Variants in USP15 observed in about 807,000 individuals in gnomAD.
USP15 encodes the protein ubiquitin specific peptidase 15, also known as ubiquitin carboxyl-terminal hydrolase 15.
USP15 carries 18 observed loss-of-function variants against 127.1 expected under a neutral mutation model. That is an observed-to-expected ratio of 0.14 (90% CI 0.10 to 0.21). The LOEUF (loss-of-function observed/expected upper bound fraction) is 0.21. Ranked by LOEUF, USP15 falls within the 10% of genes least tolerant of loss-of-function variation. The pLI, the probability that USP15 is intolerant of heterozygous loss-of-function variation, is 1.00. For synonymous variants in USP15, 364 were observed against 393.7 expected (o/e 0.92, Z 0.89); for missense variants, 805 against 1,159.9 (o/e 0.69, Z 4.44).
intron 9 of USP15, among the ~76,000 whole-genome samples, chr12:62,383,171 A>C (rs563658676): frequency 6.6e-6 from 1 of 152,020 alleles, no homozygotes; most frequent in East Asian, 1.9e-4. Flanking sequence ...AGTTATGTTC[A>C]ATGAAGCTGC....
intron 21 of USP15, among the ~76,000 whole-genome samples, chr12:62,401,524 T>C (rs1200730077): frequency 1.3e-5 from 2 of 151,848 alleles, no homozygotes; most frequent in Non-Finnish European, 2.9e-5. Context: ...CAACATGGAG[T>C]TTCTAATAAA....
At chr12:62,371,776 T>G (rs1482418271) in intron 8 of USP15, among the ~76,000 whole-genome samples, 1 of 152,170 alleles carries the variant, frequency 6.6e-6, no homozygotes, top group Non-Finnish European at 1.5e-5. Context: ...CATATAGATT[T>G]AGAGGAAAGT....
At chr12:62,261,997 G>A (rs758997716) in intron 1 of USP15, among the ~76,000 whole-genome samples, 1 of 152,154 alleles carries the variant, frequency 6.6e-6, no homozygotes, top group African/African-American at 2.4e-5. Flanking sequence ...CCAGCACTTT[G>A]GGAGGCCGAG....
intron 1 of USP15, among the ~76,000 whole-genome samples, chr12:62,285,830 G>C (rs2063771126): frequency 1.3e-5 from 2 of 152,002 alleles, no homozygotes; most frequent in African/African-American, 4.8e-5. Context: ...TCCAGTGATA[G>C]TTCTATTTTT....
At chr12:62,338,211 T>C (rs528884698) in intron 6 of USP15, among the ~76,000 whole-genome samples, 2 of 152,254 alleles carry the variant, frequency 1.3e-5, no homozygotes, top group Non-Finnish European at 2.9e-5. Flanking sequence ...TGGTGTGATT[T>C]GCATTTGTCT....
At position 62,412,560 on chromosome 12, in the gene USP15, T is replaced by G. The variant is rs2068063900; in HGVS notation, c.*8185T>G. The stretch of plus-strand genomic sequence containing the variant: ...TTATGGAATATTCTAAATCCTTTGT[T>G]GTCTTTTCAACAATGTTCACAGCAT... On this transcript the variant is annotated 3_prime_UTR_variant, in exon 22 of 22. Coordinates refer to ENST00000280377, the MANE Select transcript of USP15 (RefSeq NM_001252078.2). The G allele has an allele frequency of 6.1e-6, 1 of 164,140 alleles. No individual in the cohort carries two copies. The highest frequency in any genetic ancestry group is 2.4e-5 in the African/African-American group (1 of 41,710). The allele number at this position is 164,140 out of a possible 1,614,324, so 10.2% of individuals were successfully genotyped here. A position where few individuals can be genotyped will look rare whatever the true frequency, so the allele number is the denominator to read the frequency against.
intron 20 of USP15, among the ~76,000 whole-genome samples, 199 bp downstream of exon 20, chr12:62,396,597 A>C (rs1246587312): frequency 1.3e-5 from 2 of 151,084 alleles, no homozygotes; most frequent in African/African-American, 2.4e-5. Context: ...AGTTCATCAT[A>C]CTCCTCAGTT....
chr12:62,392,499 A>C (rs2067355370), intron 18 of USP15, 112 bp downstream of exon 18: 4 of 739,246 alleles, frequency 5.4e-6, no homozygotes, highest in Non-Finnish European at 8.5e-6. Context: ...TGTTTTAAAT[A>C]GTAAAGGATT....
In USP15 at chr12:62,262,643, A is replaced by T. The variant is rs553811364; in HGVS notation, c.89+2140A>T. 2.2e-4 allele frequency among the ~76,000 whole-genome samples: 33 copies of T among 152,244 alleles called. 1 individual carries two copies. The highest frequency in any genetic ancestry group is 7.7e-4 in the African/African-American group (32 of 41,538). ...TTTTGCTTTTTTACAAAATTAATGT[A>T]AATTGTTTTATATATGTGCGTGTGT... On this transcript the variant is annotated intron_variant, in intron 1 of 21. Coordinates refer to ENST00000280377, the MANE Select transcript of USP15 (RefSeq NM_001252078.2).
Position 62,326,706 on chromosome 12 carries a change from C to T in USP15, c.683+773C>T, listed in dbSNP as rs555623136. ...TTAAGTTTTTGGAGCTTTGGAATTTCACATGTTCTGATAAGGGATTGTGAA... is the reference window on the plus strand; with the variant it reads ...TTAAGTTTTTGGAGCTTTGGAATTTTACATGTTCTGATAAGGGATTGTGAA... On this transcript the variant is annotated intron_variant, in intron 6 of 21. Transcript: ENST00000280377. Among the ~76,000 whole-genome samples, 9 of 152,268 alleles carry T rather than the reference C, an allele frequency of 5.9e-5. No homozygotes were observed. In the East Asian group the frequency reaches 1.5e-3, roughly 26 times the overall value.
intron 1 of USP15, among the ~76,000 whole-genome samples, chr12:62,280,249 T>C (rs189682810): frequency 6.6e-6 from 1 of 150,978 alleles, no homozygotes; most frequent in Non-Finnish European, 1.5e-5. Flanking sequence ...ATTTCCACTT[T>C]GTTTTTCTTC....
At chr12:62,337,346 T>G (rs2065500043) in intron 6 of USP15, among the ~76,000 whole-genome samples, 1 of 152,134 alleles carries the variant, frequency 6.6e-6, no homozygotes, top group Non-Finnish European at 1.5e-5. Flanking sequence ...GTTTATTGGA[T>G]TTACAGTTCC....
intron 20 of USP15, among the ~76,000 whole-genome samples, chr12:62,400,016 T>C (rs2067627790): frequency 6.6e-6 from 1 of 152,174 alleles, no homozygotes; most frequent in South Asian, 2.1e-4. Flanking sequence ...ATTTCTTATT[T>C]ATATACAAAT....
intron 4 of USP15, among the ~76,000 whole-genome samples, chr12:62,317,949 A>G (rs993592867): frequency 2.0e-5 from 3 of 152,206 alleles, no homozygotes; most frequent in Admixed American, 6.5e-5. Context: ...AAAAACATAA[A>G]ACTTCTTGAA....
chr12:62,321,334 G>T, intron 4 of USP15, 130 bp from the exon 5 acceptor site: 1 of 561,752 alleles, frequency 1.8e-6, no homozygotes, highest in Non-Finnish European at 2.8e-6. Flanking sequence ...GTGTTTTATA[G>T]ATTTATTACA....
At chr12:62,277,104 C>A (rs1007816214) in intron 1 of USP15, among the ~76,000 whole-genome samples, 2 of 152,072 alleles carry the variant, frequency 1.3e-5, no homozygotes, top group Non-Finnish European at 2.9e-5. Context: ...AAACAAAAGA[C>A]GTTTACTCTT....
At chr12:62,279,434 A>T (rs531066829) in intron 1 of USP15, among the ~76,000 whole-genome samples, 1 of 152,312 alleles carries the variant, frequency 6.6e-6, no homozygotes, top group South Asian at 2.1e-4. Context: ...ATGCTGCAGT[A>T]AACATGATAG....
In USP15 at chr12:62,390,001, C is replaced by A; in HGVS notation, c.1844+13C>A. On this transcript the variant is annotated intron_variant, in intron 14 of 21. Coordinates refer to ENST00000280377, the MANE Select transcript of USP15 (RefSeq NM_001252078.2). ...TCTTGAGAATGTGGTAAGTGCCAGA[C>A]AATTCTACATTGACAAAATAAATAT... 1.9e-6 allele frequency: 3 copies of A among 1,567,186 alleles called. No individual in the cohort carries two copies. The highest frequency in any genetic ancestry group is 1.2e-5 in the South Asian group (1 of 84,072).
At chr12:62,344,658 A>G (rs1208497945) in intron 6 of USP15, among the ~76,000 whole-genome samples, 1 of 152,220 alleles carries the variant, frequency 6.6e-6, no homozygotes, top group Non-Finnish European at 1.5e-5. Context: ...CTGCCCTAGC[A>G]GAGGTTCTCC....
Sources: gnomAD v4.1 joint callset for allele counts (sites outside exome capture counted in the v4.1 genomes callset) on GRCh38, gnomAD v4.1.1 for gene constraint, MANE v1.5 for transcripts, NCBI Gene and HGNC (gene_info 2026-07-23, HGNC 2026-07-21) for gene names.